Variants in GPBP1L1 observed in about 807,000 individuals in gnomAD.
The protein encoded by GPBP1L1 is GC-rich promoter binding protein 1 like 1.
A neutral mutation model predicts 52.5 loss-of-function variants in GPBP1L1; 23 were observed. The ratio of observed to expected loss-of-function variants is 0.44; its 90% CI spans 0.32 to 0.62. GPBP1L1 has a LOEUF of 0.62. GPBP1L1 is among the 20% of genes least tolerant of loss of function. The pLI is 0.06. For synonymous variants in GPBP1L1, 243 were observed against 203.1 expected (o/e 1.20, Z -1.67); for missense variants, 596 against 579.3 (o/e 1.03, Z -0.30).
intron 2 of GPBP1L1, among the ~76,000 whole-genome samples, chr1:45,683,649 C>G (rs1371102307): frequency 1.3e-5 from 2 of 150,080 alleles, no homozygotes; most frequent in Admixed American, 6.7e-5. Flanking sequence ...CCAAAGTGAG[C>G]AGATTGCTTG....
chr1:45,663,586 T>C (rs1644973331), intron 2 of GPBP1L1, among the ~76,000 whole-genome samples: 1 of 152,172 alleles, frequency 6.6e-6, no homozygotes, highest in Admixed American at 6.5e-5. Flanking sequence ...TACACATGCA[T>C]GTGCAGAGTA....
At chr1:45,642,224 T>C (rs1644683542) in intron 7 of GPBP1L1, among the ~76,000 whole-genome samples, 2 of 152,142 alleles carry the variant, frequency 1.3e-5, no homozygotes, top group Non-Finnish European at 1.5e-5. Context: ...TTGACTCTAC[T>C]ACCATGGTAA....
chr1:45,647,244 C>T (rs1000509784), intron 6 of GPBP1L1, among the ~76,000 whole-genome samples: 1 of 149,012 alleles, frequency 6.7e-6, no homozygotes, highest in African/African-American at 2.5e-5. Flanking sequence ...GATCTTGGCT[C>T]ACTGCAACCT....
intron 10 of GPBP1L1, among the ~76,000 whole-genome samples, chr1:45,632,621 C>T (rs936069323): frequency 2.0e-5 from 3 of 152,132 alleles, no homozygotes; most frequent in African/African-American, 7.2e-5. Flanking sequence ...GAAGCTGAGG[C>T]AGGAGAATCG....
Position 45,630,468 on chromosome 1 carries a change from T to G in GPBP1L1, c.1169+14A>C. The G allele has an allele frequency of 6.2e-7, 1 of 1,613,482 alleles. No homozygotes were observed. The highest frequency in any genetic ancestry group is 8.5e-7 in the Non-Finnish European group (1 of 1,179,640). On this transcript the variant is annotated intron_variant, in intron 11 of 12. Coordinates refer to ENST00000355105, the MANE Select transcript of GPBP1L1 (RefSeq NM_021639.5). Reference sequence around the variant, plus strand: ...GTCAGACACTGCATGCCCTGTGATGTCCTCCTCACTTACCTGTGCTCTGCT... The same window carrying G: ...GTCAGACACTGCATGCCCTGTGATGGCCTCCTCACTTACCTGTGCTCTGCT...
intron 11 of GPBP1L1, among the ~76,000 whole-genome samples, chr1:45,629,901 G>C (rs935393024): frequency 6.6e-6 from 1 of 151,924 alleles, no homozygotes; most frequent in African/African-American, 2.4e-5. Context: ...AGAAGAGACA[G>C]TAGAAGCAAA....
At chr1:45,636,070 A>C (rs1200763114) in intron 8 of GPBP1L1, among the ~76,000 whole-genome samples, 1 of 152,026 alleles carries the variant, frequency 6.6e-6, no homozygotes, top group African/African-American at 2.4e-5. Flanking sequence ...TGCAATACTC[A>C]CCTCTATCCC....
Position 45,628,174 on chromosome 1 carries a change from A to G in GPBP1L1, c.*82T>C. On this transcript the variant is annotated 3_prime_UTR_variant, in exon 13 of 13. Transcript: ENST00000355105. The stretch of plus-strand genomic sequence containing the variant: ...AATGAAGTATTCAACAACATAAGAA[A>G]AGGAAAAGAACGATTTCTTTTGTAT... The G allele has an allele frequency of 7.6e-7, 1 of 1,314,748 alleles. No homozygotes were observed. The highest frequency in any genetic ancestry group is 1.1e-6 in the Non-Finnish European group (1 of 935,610). The allele number at this position is 1,314,748 out of a possible 1,614,324, so 81.4% of individuals were successfully genotyped here.
chr1:45,662,123 A>G (rs1460794947), intron 2 of GPBP1L1, among the ~76,000 whole-genome samples: 2 of 152,156 alleles, frequency 1.3e-5, no homozygotes, highest in African/African-American at 4.8e-5. Flanking sequence ...TAATTTCTCA[A>G]CATTCTTTCA....
At position 45,630,593 on chromosome 1, in the gene GPBP1L1, CTGT is replaced by C. The variant is rs543775414; in HGVS notation, c.1055_1057del (p.Asn352del). On this transcript the variant is annotated inframe_deletion, in exon 11 of 13. Coordinates refer to ENST00000355105, the MANE Select transcript of GPBP1L1 (RefSeq NM_021639.5). ...CCCATTTTCCTTTGGTTCAGGTGTG[CTGT>C]TGTCCTCCAACTGCAATAAGGAAAA... is the stretch of plus-strand genomic sequence containing the variant. 1.4e-4 allele frequency: 233 copies of C among 1,613,976 alleles called. 4 individuals carry two copies. In the African/African-American group the frequency reaches 2.5e-3, roughly 17 times the overall value.
At position 45,660,631 on chromosome 1, in the gene GPBP1L1, G is replaced by C; in HGVS notation, c.-503C>G. 2 of 834,582 alleles carry C rather than the reference G, an allele frequency of 2.4e-6. No homozygotes were observed. Among genetic ancestry groups the C allele is most frequent in the Middle Eastern group, 6.1e-4 (1 of 1,636 alleles). 51.7% of individuals were successfully genotyped at this position (834,582 alleles called of 1,614,324 possible). ...ATGGGCTCAAGTGTGGACAAATAAT[G>C]TCATCAAGGTAATAGATCAAAAATA... On this transcript the variant is annotated 5_prime_UTR_variant, in exon 3 of 13. Transcript: ENST00000355105.
At chr1:45,677,151 T>C (rs1433969882) in intron 2 of GPBP1L1, among the ~76,000 whole-genome samples, 3 of 151,570 alleles carry the variant, frequency 2.0e-5, no homozygotes, top group Non-Finnish European at 2.9e-5. Context: ...GCTTGGCCAA[T>C]GTGGTGAAAC....
In GPBP1L1 at chr1:45,642,516, A is replaced by G; in HGVS notation, c.478-17T>C. On this transcript the variant is annotated splice_polypyrimidine_tract_variant and intron_variant, in intron 6 of 12. Coordinates refer to ENST00000355105, the MANE Select transcript of GPBP1L1 (RefSeq NM_021639.5). ...CAAGGAAGGCTAGGAAAAAAGGGAT[A>G]TGAATGGTTGATACAGAAAGCTGAT... The G allele has an allele frequency of 6.2e-7, 1 of 1,604,742 alleles. No homozygotes were observed. Among genetic ancestry groups the G allele is most frequent in the Non-Finnish European group, 8.5e-7 (1 of 1,171,454 alleles).
intron 4 of GPBP1L1, among the ~76,000 whole-genome samples, chr1:45,657,963 G>T (rs543313716): frequency 4.5e-4 from 69 of 152,298 alleles, no homozygotes; most frequent in Non-Finnish European, 7.8e-4. Flanking sequence ...AATAGGAAAG[G>T]TAGGCCTTTA....
chr1:45,681,856 T>TA (rs751491085), intron 2 of GPBP1L1, among the ~76,000 whole-genome samples: 32 of 152,190 alleles, frequency 2.1e-4, no homozygotes, highest in Non-Finnish European at 3.8e-4. Context: ...AACCACTGAT[T>TA]ACCATACTAT....
intron 4 of GPBP1L1, chr1:45,655,605 A>G (rs1354856035): frequency 8.4e-6 from 2 of 237,146 alleles, no homozygotes; most frequent in African/African-American, 2.3e-5. Context: ...CCTTGCAAAT[A>G]TTCATAAATA....
In GPBP1L1 at chr1:45,629,685, G is replaced by A. The variant is rs774441567; in HGVS notation, c.1170-7C>T. The A allele has an allele frequency of 6.5e-7, 1 of 1,528,616 alleles. No individual in the cohort carries two copies. The highest frequency in any genetic ancestry group is 9.1e-7 in the Non-Finnish European group (1 of 1,102,182). 94.7% of individuals were successfully genotyped at this position (1,528,616 alleles called of 1,614,324 possible). A position where few individuals can be genotyped will look rare whatever the true frequency, so the allele number is the denominator to read the frequency against. The stretch of plus-strand genomic sequence containing the variant: ...ACCCATAGCTTTCAATAACCTGGTG[G>A]ACGCAGAAGGACAGGTAAAGAGAAT... On this transcript the variant is annotated splice_polypyrimidine_tract_variant and splice_region_variant and intron_variant, in intron 11 of 12. Coordinates refer to ENST00000355105, the MANE Select transcript of GPBP1L1 (RefSeq NM_021639.5).
intron 11 of GPBP1L1, 56 bp downstream of exon 11, chr1:45,630,426 G>A (rs1644515403): frequency 6.3e-7 from 1 of 1,591,366 alleles, no homozygotes; most frequent in Non-Finnish European, 8.6e-7. Flanking sequence ...TCTCCAGTAT[G>A]TTCAAGGTCC....
chr1:45,660,122 A>AT (rs1188495307), intron 3 of GPBP1L1, 62 bp downstream of exon 3: 19 of 916,224 alleles, frequency 2.1e-5, no homozygotes, highest in Non-Finnish European at 2.5e-5. Flanking sequence ...AGCAGTCGGT[A>AT]TTTTTCATGA....
Sources: allele counts gnomAD v4.1 joint callset (sites outside exome capture counted in the v4.1 genomes callset), GRCh38; gene constraint gnomAD v4.1.1; transcripts MANE v1.5; gene names NCBI Gene and HGNC (gene_info 2026-07-23, HGNC 2026-07-21).